HS3ST4: variants seen among roughly 807,000 people sequenced by gnomAD.
HS3ST4 encodes the protein heparan sulfate glucosamine 3-O-sulfotransferase 4.
HS3ST4 carries 17 observed loss-of-function variants against 29.2 expected under a neutral mutation model. The observed-to-expected ratio is 0.58, with a 90% CI of 0.40 to 0.87. The LOEUF (loss-of-function observed/expected upper bound fraction) is 0.87, where lower values mean the gene tolerates loss of function less well. Ranked by LOEUF, HS3ST4 falls within the 40% of genes least tolerant of loss-of-function variation. The probability of loss-of-function intolerance (pLI) is 0.00; values close to 1 mark genes in which losing one functional copy is unlikely to be tolerated. For missense variants in HS3ST4, 627 were observed against 634.5 expected, an observed-to-expected ratio of 0.99 and a Z score of 0.13; for synonymous variants, 314 against 285.7, an observed-to-expected ratio of 1.10 and a Z score of -1.00.
At chr16:25,859,818 T>A (rs1355660444) in intron 1 of HS3ST4, among the ~76,000 whole-genome samples, 1 of 152,176 alleles carries the variant, frequency 6.6e-6, no homozygotes. Context: ...AACAATGAGA[T>A]ATCACTACAC....
At chr16:26,044,146 G>A (rs1429565499) in intron 1 of HS3ST4, among the ~76,000 whole-genome samples, 6 of 152,176 alleles carry the variant, frequency 3.9e-5, no homozygotes, top group African/African-American at 1.2e-4. Flanking sequence ...GGTTCACTGC[G>A]TCGTGTGGAT....
rs561995580 is a variant in HS3ST4, at chr16:25,776,081, A to G, written c.734+82930A>G. Among the ~76,000 whole-genome samples the G allele has an allele frequency of 2.0e-5, 3 of 152,172 alleles. No individual in the cohort carries two copies. In the East Asian group the frequency reaches 5.8e-4, roughly 29 times the overall value. On this transcript the variant is annotated intron_variant, in intron 1 of 1. Coordinates refer to ENST00000331351, the MANE Select transcript of HS3ST4 (RefSeq NM_006040.3). ...GAGTCTGGCCTTTGGTTGTCTTGCAACCTTAGTACTGATGGCTGGTTCCTC... is the reference window on the plus strand; with the variant it reads ...GAGTCTGGCCTTTGGTTGTCTTGCAGCCTTAGTACTGATGGCTGGTTCCTC...
rs141775332 is a variant in HS3ST4 at position 25,814,842 on chromosome 16, G to C, written c.734+121691G>C. Reference sequence around the variant, plus strand: ...GCAATGATTTCTGGTGTAATTGCACGTTGTCCAGATAATGGAGCCACAAAT... The same window carrying C: ...GCAATGATTTCTGGTGTAATTGCACCTTGTCCAGATAATGGAGCCACAAAT... On this transcript the variant is annotated intron_variant, in intron 1 of 1. Coordinates refer to ENST00000331351, the MANE Select transcript of HS3ST4 (RefSeq NM_006040.3). 1.4e-4 allele frequency among the ~76,000 whole-genome samples: 21 copies of C among 152,306 alleles called. No homozygotes were observed. The East Asian group carries it at 3.7e-3, about 27-fold the overall frequency.
intron 1 of HS3ST4, among the ~76,000 whole-genome samples, chr16:25,732,501 T>G (rs1024460325): frequency 6.6e-6 from 1 of 152,184 alleles, no homozygotes; most frequent in African/African-American, 2.4e-5. Flanking sequence ...AGCAACAAGC[T>G]TTTTCTTTTC....
intron 1 of HS3ST4, among the ~76,000 whole-genome samples, chr16:25,798,760 G>A (rs1966904655): frequency 6.6e-6 from 1 of 152,134 alleles, no homozygotes; most frequent in South Asian, 2.1e-4. Flanking sequence ...ATCATGTGGG[G>A]CTTCACGGCA....
chr16:25,706,395 A>T (rs1428136137), intron 1 of HS3ST4, among the ~76,000 whole-genome samples: 1 of 151,834 alleles, frequency 6.6e-6, no homozygotes, highest in Non-Finnish European at 1.5e-5. Flanking sequence ...TAATATATAT[A>T]TTTTTTAATT....
At chr16:25,946,169 C>A (rs546122441) in intron 1 of HS3ST4, among the ~76,000 whole-genome samples, 4 of 152,298 alleles carry the variant, frequency 2.6e-5, no homozygotes, top group East Asian at 1.9e-4. Flanking sequence ...AGAGAGTTTG[C>A]AACATCCAGA....
At chr16:25,879,267 A>G (rs1310955140) in intron 1 of HS3ST4, among the ~76,000 whole-genome samples, 2 of 152,190 alleles carry the variant, frequency 1.3e-5, no homozygotes, top group Non-Finnish European at 2.9e-5. Context: ...GGTAGAAAGA[A>G]TGCACTGTCT....
intron 1 of HS3ST4, among the ~76,000 whole-genome samples, chr16:26,074,798 C>T (rs1456968896): frequency 6.6e-6 from 1 of 152,162 alleles, no homozygotes; most frequent in Non-Finnish European, 1.5e-5. Flanking sequence ...ACCATGTTCT[C>T]TATATATGTG....
chr16:26,003,470 AT>A (rs1371449164), intron 1 of HS3ST4, among the ~76,000 whole-genome samples: 1 of 152,100 alleles, frequency 6.6e-6, no homozygotes, highest in African/African-American at 2.4e-5. Context: ...CCTCTCTCAT[AT>A]TTTGGACTGT....
intron 1 of HS3ST4, among the ~76,000 whole-genome samples, chr16:25,732,089 A>G (rs952591397): frequency 7.2e-5 from 11 of 152,298 alleles, no homozygotes; most frequent in African/African-American, 2.6e-4. Flanking sequence ...TGGTCTGACA[A>G]TTGCTTTAGT....
chr16:25,811,648 G>A (rs1219924392), intron 1 of HS3ST4, among the ~76,000 whole-genome samples: 1 of 151,568 alleles, frequency 6.6e-6, no homozygotes, highest in East Asian at 1.9e-4. Context: ...GGTCATGCTG[G>A]TCTCGAACTC....
intron 1 of HS3ST4, among the ~76,000 whole-genome samples, chr16:25,725,614 CA>C (rs1353765942): frequency 6.6e-6 from 1 of 151,610 alleles, no homozygotes; most frequent in African/African-American, 2.4e-5. Flanking sequence ...GCATATAATG[CA>C]AACAATTGGA....
At chr16:25,698,246 T>A (rs955105484) in intron 1 of HS3ST4, among the ~76,000 whole-genome samples, 6 of 152,252 alleles carry the variant, frequency 3.9e-5, no homozygotes, top group African/African-American at 1.4e-4. Context: ...TGAGTTATAT[T>A]AAGTAGAATG....
intron 1 of HS3ST4, among the ~76,000 whole-genome samples, chr16:26,068,863 A>G (rs1347703529): frequency 6.6e-6 from 1 of 152,106 alleles, no homozygotes; most frequent in African/African-American, 2.4e-5. Context: ...TATGATTTCA[A>G]GGATGTTTTA....
At chr16:25,933,951 A>G (rs1968491020) in intron 1 of HS3ST4, among the ~76,000 whole-genome samples, 3 of 152,236 alleles carry the variant, frequency 2.0e-5, no homozygotes, top group Admixed American at 6.5e-5. Flanking sequence ...TGGAGGTCGC[A>G]TGTGAACATG....
intron 1 of HS3ST4, among the ~76,000 whole-genome samples, chr16:25,782,356 GT>G (rs1567238886): frequency 6.6e-6 from 1 of 152,158 alleles, no homozygotes; most frequent in African/African-American, 2.4e-5. Flanking sequence ...TTTTGCTAGT[GT>G]TGGTTTGTTT....
chr16:25,895,548 G>A (rs1407550394), intron 1 of HS3ST4, among the ~76,000 whole-genome samples: 2 of 152,042 alleles, frequency 1.3e-5, no homozygotes, highest in African/African-American at 2.4e-5. Flanking sequence ...TGGCTGTCTC[G>A]GTTGTCTGGG....
At chr16:26,060,242 A>G (rs1038375115) in intron 1 of HS3ST4, among the ~76,000 whole-genome samples, 3 of 152,188 alleles carry the variant, frequency 2.0e-5, no homozygotes, top group African/African-American at 7.2e-5. Flanking sequence ...CAGGAGACCC[A>G]TGAAGCAGGT....
Sources: allele counts gnomAD v4.1 joint callset (sites outside exome capture counted in the v4.1 genomes callset), GRCh38; gene constraint gnomAD v4.1.1; transcripts MANE v1.5; gene names NCBI Gene and HGNC (gene_info 2026-07-23, HGNC 2026-07-21).